Variants in EML6 observed in about 807,000 individuals in gnomAD.
EML6 encodes the protein echinoderm microtubule-associated protein-like 6.
EML6 carries 154 observed loss-of-function variants against 240.1 expected under a neutral mutation model. The ratio of observed to expected loss-of-function variants is 0.64; its 90% CI spans 0.56 to 0.73. EML6 has a LOEUF of 0.73. Ranked by LOEUF, EML6 falls within the 30% of genes least tolerant of loss-of-function variation. The pLI is 0.00. For synonymous variants in EML6, 1,148 were observed against 899.0 expected (o/e 1.28, Z -4.95); for missense variants, 2,964 against 2,474.6 (o/e 1.20, Z -4.20).
At chr2:54,871,352 TAACTG>T (rs770296104) in intron 15 of EML6, 143 bp from the exon 16 acceptor site, 17 of 640,210 alleles carry the variant, frequency 2.7e-5, no homozygotes, top group Non-Finnish European at 3.6e-5. Context: ...ATCTCAAAAA[TAACTG>T]AATTGTAGCA....
chr2:54,768,962 A>C (rs1668299595), intron 2 of EML6, among the ~76,000 whole-genome samples: 1 of 152,206 alleles, frequency 6.6e-6, no homozygotes, highest in Admixed American at 6.5e-5. Context: ...ACACATGTGG[A>C]TAATGATGAC....
At chr2:54,818,501 G>T (rs573101211) in intron 4 of EML6, among the ~76,000 whole-genome samples, 2 of 152,206 alleles carry the variant, frequency 1.3e-5, no homozygotes, top group African/African-American at 4.8e-5. Context: ...CTGTACCTCA[G>T]TTCATTTTCC....
chr2:54,816,934 C>G, intron 4 of EML6, 49 bp downstream of exon 4: 1 of 1,138,264 alleles, frequency 8.8e-7, no homozygotes, highest in Non-Finnish European at 1.3e-6. Flanking sequence ...CTTGGGGGGA[C>G]TTGTGATATC....
intron 1 of EML6, 111 bp downstream of exon 1, chr2:54,723,888 G>A (rs1206998908): frequency 6.6e-6 from 1 of 152,416 alleles, no homozygotes; most frequent in Non-Finnish European, 1.5e-5. Context: ...AGTCCTGAGG[G>A]CGGGCATCCC....
chr2:54,745,453 G>A (rs1485153861), intron 2 of EML6, among the ~76,000 whole-genome samples: 1 of 152,064 alleles, frequency 6.6e-6, no homozygotes. Flanking sequence ...TATGGGTGAG[G>A]TGAAATGCAT....
At chr2:54,884,291 A>C (rs1366286340) in intron 17 of EML6, among the ~76,000 whole-genome samples, 1 of 152,180 alleles carries the variant, frequency 6.6e-6, no homozygotes, top group East Asian at 1.9e-4. Context: ...CAGAGCTTCC[A>C]TGGCCTCCCT....
chr2:54,925,981 A>G (rs192539737), intron 26 of EML6, among the ~76,000 whole-genome samples: 4 of 152,348 alleles, frequency 2.6e-5, no homozygotes, highest in African/African-American at 9.6e-5. Context: ...GAAACTTTGC[A>G]TGGAAAATTT....
rs911132379 is a variant in EML6 at position 54,963,445 on chromosome 2, T to C, written c.5158-541T>C. Among the ~76,000 whole-genome samples the C allele has an allele frequency of 2.0e-5, 3 of 152,228 alleles. No homozygotes were observed. The East Asian group carries it at 5.8e-4, about 29-fold the overall frequency. On this transcript the variant is annotated intron_variant, in intron 36 of 41. Transcript: ENST00000356458. ...CTACAATAACCTTGCAAAACCCTTA[T>C]TAACATCGCTATTAGTAAAACTCTA...
chr2:54,819,316 C>T (rs1329168652), intron 4 of EML6, among the ~76,000 whole-genome samples: 4 of 152,156 alleles, frequency 2.6e-5, no homozygotes, highest in African/African-American at 9.7e-5. Context: ...TGTTGGGTAT[C>T]TGGGCCCAAT....
At position 54,742,904 on chromosome 2, in the gene EML6, A is replaced by C. The variant is rs151292391; in HGVS notation, c.197+17646A>C. On this transcript the variant is annotated intron_variant, in intron 2 of 41. Coordinates refer to ENST00000356458, the MANE Select transcript of EML6 (RefSeq NM_001039753.4). Reference sequence around the variant, plus strand: ...ATAGGTCTTTGGAAACTGTGACTTTAAACAAAACAATGTACAACAAACCAA... The same window carrying C: ...ATAGGTCTTTGGAAACTGTGACTTTCAACAAAACAATGTACAACAAACCAA... Among the ~76,000 whole-genome samples the C allele has an allele frequency of 3.2e-3, 495 of 152,342 alleles. 2 individuals carry two copies. The highest frequency in any genetic ancestry group is 5.9e-3 in the Non-Finnish European group (402 of 68,034).
chr2:54,841,903 T>C (rs903005583), intron 7 of EML6, among the ~76,000 whole-genome samples: 1 of 152,026 alleles, frequency 6.6e-6, no homozygotes, highest in Non-Finnish European at 1.5e-5. Flanking sequence ...ATTTTTTTTT[T>C]AATAGACTTT....
chr2:54,851,499 A>T (rs1212633752), intron 10 of EML6, among the ~76,000 whole-genome samples: 2 of 151,238 alleles, frequency 1.3e-5, no homozygotes, highest in African/African-American at 4.8e-5. Context: ...TGTGATAAAG[A>T]CATAATGTTA....
In EML6 at chr2:54,744,957, CA is replaced by C. The variant is rs1558521083; in HGVS notation, c.197+19700del. Among the ~76,000 whole-genome samples the C allele has an allele frequency of 5.5e-3, 546 of 98,452 alleles. 12 individuals are homozygous for C. The highest frequency in any genetic ancestry group is 0.017 in the South Asian group (45 of 2,580). 64.6% of individuals were successfully genotyped at this position (98,452 alleles called of 152,430 possible). On this transcript the variant is annotated intron_variant, in intron 2 of 41. Transcript: ENST00000356458. ...ACACACACACACACACACACACACA[CA>C]CACACCCTGCCATGCAGGCCTTCCC...
At chr2:54,904,116 G>A (rs1673197205) in intron 24 of EML6, among the ~76,000 whole-genome samples, 1 of 152,154 alleles carries the variant, frequency 6.6e-6, no homozygotes, top group African/African-American at 2.4e-5. Context: ...AGTAAGACAT[G>A]GTTTCTGCTC....
intron 7 of EML6, among the ~76,000 whole-genome samples, chr2:54,838,997 C>T (rs1669299429): frequency 6.6e-6 from 1 of 152,234 alleles, no homozygotes; most frequent in African/African-American, 2.4e-5. Context: ...TTATATTTCT[C>T]TGACTCCCAG....
chr2:54,877,636 C>G (rs982287856), intron 16 of EML6, among the ~76,000 whole-genome samples: 3 of 152,122 alleles, frequency 2.0e-5, no homozygotes, highest in African/African-American at 7.2e-5. Flanking sequence ...TAAAGAGGGA[C>G]CTTGCCCAAT....
chr2:54,767,630 G>GTGTGTGTGTC, intron 2 of EML6, among the ~76,000 whole-genome samples: 1 of 120,468 alleles, frequency 8.3e-6, no homozygotes, highest in South Asian at 2.9e-4. Context: ...GTGTGTGTGT[G>GTGTGTGTGTC]TATGTGTGTG....
chr2:54,746,257 G>A (rs1683904645), intron 2 of EML6, among the ~76,000 whole-genome samples: 1 of 152,218 alleles, frequency 6.6e-6, no homozygotes, highest in South Asian at 2.1e-4. Flanking sequence ...GATTCAACAT[G>A]CCCAAGATGC....
At position 54,940,877 on chromosome 2, in the gene EML6, A is replaced by T. The variant is rs1008889067; in HGVS notation, c.4005-8005A>T. 8.5e-5 allele frequency among the ~76,000 whole-genome samples: 13 copies of T among 152,242 alleles called. 1 individual carries two copies. Among genetic ancestry groups the T allele is most frequent in the African/African-American group, 3.1e-4 (13 of 41,460 alleles). On this transcript the variant is annotated intron_variant, in intron 28 of 41. Transcript: ENST00000356458. ...ATCTGTTTAACCCCAGGCAAAAGGAATCAAGAAGATTCTGTGTCACTGTGG... is the reference window on the plus strand; with the variant it reads ...ATCTGTTTAACCCCAGGCAAAAGGATTCAAGAAGATTCTGTGTCACTGTGG...
Sources: allele counts gnomAD v4.1 joint callset (sites outside exome capture counted in the v4.1 genomes callset), GRCh38; gene constraint gnomAD v4.1.1; transcripts MANE v1.5; gene names NCBI Gene and HGNC (gene_info 2026-07-23, HGNC 2026-07-21).